The following ARIH1 variants were observed in gnomAD, a reference collection of about 807,000 sequenced individuals.
The protein encoded by ARIH1 is E3 ubiquitin-protein ligase ARIH1.
A neutral mutation model predicts 85.0 loss-of-function variants in ARIH1; 8 were observed. That is an observed-to-expected ratio of 0.09 (90% CI 0.06 to 0.17). The LOEUF is 0.17. Ranked by LOEUF, ARIH1 falls within the 10% of genes least tolerant of loss-of-function variation. The probability of loss-of-function intolerance (pLI) is 1.00; values close to 1 mark genes in which losing one functional copy is unlikely to be tolerated. For synonymous variants in ARIH1, 238 were observed against 253.6 expected (o/e 0.94, Z 0.59); for missense variants, 311 against 718.1 (o/e 0.43, Z 6.48).
At chr15:72,504,343 C>T (rs114315456) in intron 1 of ARIH1, among the ~76,000 whole-genome samples, 1,773 of 152,218 alleles carry the variant, frequency 0.012, 29 homozygotes, top group African/African-American at 0.04. Flanking sequence ...TGTGAGCCAC[C>T]GCACCCAGCC....
intron 1 of ARIH1, among the ~76,000 whole-genome samples, chr15:72,507,575 T>C (rs750258072): frequency 6.6e-6 from 1 of 152,194 alleles, no homozygotes; most frequent in Non-Finnish European, 1.5e-5. Context: ...GGCTCATTCC[T>C]ATAATCCCTG....
intron 1 of ARIH1, 77 bp from the exon 2 acceptor site, chr15:72,517,990 A>G: frequency 1.6e-5 from 17 of 1,066,736 alleles, no homozygotes; most frequent in Non-Finnish European, 2.4e-5. Flanking sequence ...TGGAAATTTA[A>G]CTTCAACCTA....
intron 2 of ARIH1, among the ~76,000 whole-genome samples, chr15:72,543,271 C>T (rs1274219867): frequency 6.6e-6 from 1 of 151,840 alleles, no homozygotes; most frequent in Non-Finnish European, 1.5e-5. Flanking sequence ...GCAGTAGAAT[C>T]GCTTGAACCT....
Position 72,588,567 on chromosome 15 carries a change from G to A in ARIH1, c.*5275G>A, listed in dbSNP as rs2064327776. On this transcript the variant is annotated 3_prime_UTR_variant, in exon 14 of 14. Coordinates refer to ENST00000379887, the MANE Select transcript of ARIH1 (RefSeq NM_005744.5). ...ACTGCCTTCTATAGTTGCAAAAAGA[G>A]AATATAGGCGAGCAACTCCAGATCA... 1 of 152,262 alleles carries A rather than the reference G, an allele frequency of 6.6e-6. No homozygotes were observed. Among genetic ancestry groups the A allele is most frequent in the Admixed American group, 6.5e-5 (1 of 15,282 alleles). 9.4% of individuals were successfully genotyped at this position (152,262 alleles called of 1,614,324 possible).
At position 72,479,131 on chromosome 15, in the gene ARIH1, T is replaced by C. The variant is rs183464804; in HGVS notation, c.375+4117T>C. On this transcript the variant is annotated intron_variant, in intron 1 of 13. Coordinates refer to ENST00000379887, the MANE Select transcript of ARIH1 (RefSeq NM_005744.5). ...GGTAGGCCTGGAAATCCAAAACTTT[T>C]TGAGCACCGTTGTGATGCTCAAAGG... Among the ~76,000 whole-genome samples the C allele has an allele frequency of 2.8e-4, 42 of 152,256 alleles. No homozygotes were observed. In the East Asian group the frequency reaches 7.2e-3, roughly 26 times the overall value.
At position 72,474,596 on chromosome 15, in the gene ARIH1, TC is replaced by T; in HGVS notation, c.-40del. ...CCGGGGCCTCGGCGTCCCCGCCCTC[TC>T]CCCGCCTCGGCCAGCGTCCGCCGGG... On this transcript the variant is annotated 5_prime_UTR_variant, in exon 1 of 14. Transcript: ENST00000379887. 1 of 1,489,398 alleles carries T rather than the reference TC, an allele frequency of 6.7e-7. No individual in the cohort carries two copies. The allele number at this position is 1,489,398 out of a possible 1,614,324, so 92.3% of individuals were successfully genotyped here. A position where few individuals can be genotyped will look rare whatever the true frequency, so the allele number is the denominator to read the frequency against.
chr15:72,534,903 G>A (rs1028536069), intron 2 of ARIH1, among the ~76,000 whole-genome samples: 3 of 150,848 alleles, frequency 2.0e-5, no homozygotes, highest in Admixed American at 1.3e-4. Flanking sequence ...TAGCCATCAC[G>A]TACAATTCTG....
chr15:72,520,909 T>A (rs1204527281), intron 2 of ARIH1, among the ~76,000 whole-genome samples: 2 of 152,052 alleles, frequency 1.3e-5, no homozygotes, highest in Non-Finnish European at 2.9e-5. Context: ...AGTGGTGAGA[T>A]CATGGCTCAC....
Position 72,518,056 on chromosome 15 carries a change from T to G in ARIH1, c.376-11T>G. ...TACCTTAAAATGACTTTTTTTCCCC[T>G]CCTTCTTTAGAATCCAGCAACTATC... On this transcript the variant is annotated splice_polypyrimidine_tract_variant and intron_variant, in intron 1 of 13. Transcript: ENST00000379887. 1 of 1,602,574 alleles carries G rather than the reference T, an allele frequency of 6.2e-7. No homozygotes were observed. The highest frequency in any genetic ancestry group is 8.5e-7 in the Non-Finnish European group (1 of 1,171,814).
chr15:72,546,847 C>G (rs1370108664), intron 3 of ARIH1, among the ~76,000 whole-genome samples: 2 of 149,338 alleles, frequency 1.3e-5, no homozygotes, highest in African/African-American at 5.0e-5. Flanking sequence ...CACCTGGCCT[C>G]TGAAAGTGCT....
chr15:72,527,702 C>G (rs1274990276), intron 2 of ARIH1, among the ~76,000 whole-genome samples: 1 of 152,150 alleles, frequency 6.6e-6, no homozygotes, highest in African/African-American at 2.4e-5. Context: ...GCCTGACTTG[C>G]CTTTCTTACT....
chr15:72,554,147 T>C (rs570439152), intron 3 of ARIH1, among the ~76,000 whole-genome samples: 2 of 152,226 alleles, frequency 1.3e-5, no homozygotes, highest in Non-Finnish European at 2.9e-5. Context: ...TTTTCATTTT[T>C]TGGCTGTTAC....
chr15:72,553,313 G>A (rs920034878), intron 3 of ARIH1, among the ~76,000 whole-genome samples: 5 of 151,872 alleles, frequency 3.3e-5, no homozygotes, highest in Non-Finnish European at 7.4e-5. Flanking sequence ...TTCATTTAAC[G>A]ATCCCTTAAC....
chr15:72,474,970 C>A lies in ARIH1; in HGVS notation c.331C>A (p.Gln111Lys). 1 of 1,560,438 alleles carries A rather than the reference C, an allele frequency of 6.4e-7. No individual in the cohort carries two copies. Among genetic ancestry groups the A allele is most frequent in the Non-Finnish European group, 8.7e-7 (1 of 1,152,052 alleles). Residue 111 changes from glutamine to lysine, a missense_variant, in exon 1 of 14, where the codon CAA becomes AAA. Coordinates refer to ENST00000379887, the MANE Select transcript of ARIH1 (RefSeq NM_005744.5). ...GGTGCTCACGGCCGAGCAGATTCTA[C>A]AACACATGGTGGAATGTATCCGGGA... is the stretch of plus-strand genomic sequence containing the variant. ...YEVLTAEQIL[Q>K]HMVECIREVN...
At position 72,602,010 on chromosome 15, in the gene ARIH1, CAATATT is replaced by C. The variant is rs1567367354; in HGVS notation, c.*18724_*18729del. 2 of 152,042 alleles carry C rather than the reference CAATATT, an allele frequency of 1.3e-5. No homozygotes were observed. Among genetic ancestry groups the C allele is most frequent in the Non-Finnish European group, 2.9e-5 (2 of 68,004 alleles). 9.4% of individuals were successfully genotyped at this position (152,042 alleles called of 1,614,324 possible). ...TTAATAATATATCTTGGCAATTATT[CAATATT>C]AATATGTAAATAGTTGCCTCTTTCT... On this transcript the variant is annotated 3_prime_UTR_variant, in exon 14 of 14. Transcript: ENST00000379887.
At chr15:72,527,880 A>C (rs1436063745) in intron 2 of ARIH1, among the ~76,000 whole-genome samples, 2 of 152,162 alleles carry the variant, frequency 1.3e-5, no homozygotes, top group Non-Finnish European at 2.9e-5. Context: ...CTTTTCTTGT[A>C]TTCCTACACA....
intron 11 of ARIH1, among the ~76,000 whole-genome samples, chr15:72,575,419 T>C (rs1368660428): frequency 1.3e-5 from 2 of 151,802 alleles, no homozygotes; most frequent in African/African-American, 4.8e-5. Context: ...ACAAAAAATT[T>C]ATTAAAAATT....
chr15:72,531,502 A>AGGT (rs1355993172), intron 2 of ARIH1, among the ~76,000 whole-genome samples: 1 of 152,142 alleles, frequency 6.6e-6, no homozygotes, highest in Admixed American at 6.6e-5. Context: ...TCCTGACCTC[A>AGGT]GGTGATGTGC....
intron 11 of ARIH1, among the ~76,000 whole-genome samples, chr15:72,573,492 T>A (rs1180999752): frequency 6.6e-6 from 1 of 151,812 alleles, no homozygotes; most frequent in Non-Finnish European, 1.5e-5. Flanking sequence ...ACCCAGGAGG[T>A]GGAGGTTGCA....
Sources: gnomAD v4.1 joint callset for allele counts (sites outside exome capture counted in the v4.1 genomes callset) on GRCh38, gnomAD v4.1.1 for gene constraint, MANE v1.5 for transcripts, NCBI Gene and HGNC (gene_info 2026-07-23, HGNC 2026-07-21) for gene names.